DNAJB1: variants seen among roughly 807,000 people sequenced by gnomAD.
DNAJB1 encodes dnaJ homolog subfamily B member 1.
Under a neutral mutation model 24.0 loss-of-function variants are expected in DNAJB1, and 14 were observed. That is an observed-to-expected ratio of 0.58 (90% confidence interval 0.39 to 0.91). The LOEUF is 0.91. Among genes scored for constraint, DNAJB1 ranks in the 40% least tolerant of loss-of-function variants. The pLI is 0.00. For synonymous variants in DNAJB1, 262 were observed against 174.4 expected, an observed-to-expected ratio of 1.50 and a Z score of -3.96; for missense variants, 517 against 458.1, an observed-to-expected ratio of 1.13 and a Z score of -1.17.
chr19:14,538,691 C>G (rs976148347), intron 1 of DNAJB1, among the ~76,000 whole-genome samples: 6 of 151,696 alleles, frequency 4.0e-5, no homozygotes, highest in African/African-American at 1.5e-4. Flanking sequence ...TGCCACCATG[C>G]CTGGCTAATT....
intron 2 of DNAJB1, 146 bp downstream of exon 2, chr19:14,516,320 C>A: frequency 7.9e-7 from 1 of 1,264,182 alleles, no homozygotes; most frequent in Admixed American, 2.6e-5. Context: ...GAAAGCTCCA[C>A]AACAGCGCCC....
chr19:14,534,431 T>A (rs2072790094), upstream of DNAJB1, among the ~76,000 whole-genome samples: 1 of 90,550 alleles, frequency 1.1e-5, no homozygotes, highest in Non-Finnish European at 2.2e-5. Context: ...GCCTTTTTTT[T>A]TTTTTTTTTT....
chr19:14,515,980 T>C lies in DNAJB1; in HGVS notation c.983A>G (p.Gln328Arg), dbSNP rs561895564. The change falls in exon 3 of 3, where the codon CAG (glutamine) becomes CGG (arginine). Residue 328 changes from glutamine to arginine, a missense_variant. By Grantham distance (43) the Gln-to-Arg change is conservative. Transcript: ENST00000254322. Reference sequence around the variant, plus strand: ...CTGCTCAAGTACGGTTCTTGATGTCTGGGGAATCCTTTCGGGGAAGATCAC... The same window carrying C: ...CTGCTCAAGTACGGTTCTTGATGTCCGGGGAATCCTTTCGGGGAAGATCAC... The part of the protein sequence containing the change: ...FEVIFPERIP[Q>R]TSRTVLEQVL... The C allele has an allele frequency of 6.2e-7, 1 of 1,610,586 alleles. No individual in the cohort carries two copies. Among genetic ancestry groups the C allele is most frequent in the Non-Finnish European group, 8.5e-7 (1 of 1,179,014 alleles).
At position 14,516,962 on chromosome 19, in the gene DNAJB1, T is replaced by C. The variant is rs370822819; in HGVS notation, c.296A>G (p.His99Arg). The C allele has an allele frequency of 8.1e-6, 13 of 1,613,228 alleles. No homozygotes were observed. The highest frequency in any genetic ancestry group is 1.1e-5 in the Non-Finnish European group (13 of 1,179,912). The change falls in exon 2 of 3, where the codon CAT becomes CGT. Residue 99 changes from histidine (H) to arginine (R), a missense_variant. Transcript: ENST00000254322. ...ACCGAAGAACTCAGCAAACATGGCA[T>C]GAGGGTCTCCATGGAATGTGTAGCT... ...SFSYTFHGDP[H>R]AMFAEFFGGR...
chr19:14,524,031 C>T (rs1383368604), intron 2 of DNAJB1, among the ~76,000 whole-genome samples: 2 of 152,080 alleles, frequency 1.3e-5, no homozygotes, highest in Admixed American at 1.3e-4. Context: ...ATCATTACAC[C>T]CATTTTACAG....
chr19:14,553,927 G>T (rs1179028948), upstream of DNAJB1, among the ~76,000 whole-genome samples: 1 of 152,104 alleles, frequency 6.6e-6, no homozygotes, highest in African/African-American at 2.4e-5. Flanking sequence ...ACCAGGGCTC[G>T]CACCCCCAGC....
At chr19:14,530,816 AGT>A (rs2072615495), upstream of DNAJB1, 1 of 152,214 alleles carries the variant, frequency 6.6e-6, no homozygotes, top group Non-Finnish European at 1.5e-5. Context: ...ACTATTTTTA[AGT>A]GTGCAGTTCA....
At chr19:14,543,419 A>ATTTTTTTT (rs1169742953) in intron 1 of DNAJB1, among the ~76,000 whole-genome samples, 1 of 21,894 alleles carries the variant, frequency 4.6e-5, no homozygotes, top group Non-Finnish European at 7.3e-5. Flanking sequence ...ATATATATAT[A>ATTTTTTTT]TTTTTTTTTT....
chr19:14,553,135 A>G (rs1464212315), upstream of DNAJB1, among the ~76,000 whole-genome samples: 1 of 152,130 alleles, frequency 6.6e-6, no homozygotes, highest in African/African-American at 2.4e-5. Context: ...TGCTCGCCCA[A>G]GCCAGGAGCT....
At chr19:14,559,564 A>G (rs779997586) in intron 1 of DNAJB1, among the ~76,000 whole-genome samples, 22 of 152,120 alleles carry the variant, frequency 1.4e-4, no homozygotes, top group South Asian at 4.1e-4. Context: ...GAGGTGGTGG[A>G]TTGCCTGAGC....
Position 14,548,872 on chromosome 19 carries a change from A to G in DNAJB1, c.-214+1336T>C, listed in dbSNP as rs1166139299. On this transcript the variant is annotated intron_variant, in intron 1 of 3. Transcript: ENST00000676982. ...TTACAGGCGGGAGCCACCGCATCCA[A>G]CCATCTCAGACATCTCAGCAGCAGT... Among the ~76,000 whole-genome samples, 3 of 152,050 alleles carry G rather than the reference A, an allele frequency of 2.0e-5. No homozygotes were observed. The East Asian group carries it at 5.8e-4, about 29-fold the overall frequency.
upstream of DNAJB1, chr19:14,529,467 C>A (rs971620708): frequency 9.1e-6 from 6 of 661,328 alleles, no homozygotes; most frequent in Non-Finnish European, 1.4e-5. Context: ...TTGGTCAATC[C>A]CCTGGTGCTA....
chr19:14,545,315 C>T (rs1195848914), intron 1 of DNAJB1: 1 of 410,878 alleles, frequency 2.4e-6, no homozygotes, highest in Non-Finnish European at 4.9e-6. Context: ...CCTTTGCATT[C>T]CCCGCCAGGG....
At chr19:14,517,938 GGCCGAGCGGCTGGGCCAAGGCTCCTCCTC>G in intron 1 of DNAJB1, 172 bp downstream of exon 1, 1 of 490,820 alleles carries the variant, frequency 2.0e-6, no homozygotes, top group Non-Finnish European at 3.4e-6. Flanking sequence ...AGAAGCTTCT[GGCCGAGCGGCTGGGCCAAGGCTCCTCCTC>G]CCACCGCGCG....
In DNAJB1 at chr19:14,557,956, C is replaced by T. The variant is rs544051776; in HGVS notation, c.-2166+2075G>A. Among the ~76,000 whole-genome samples the T allele has an allele frequency of 1.2e-4, 18 of 151,456 alleles. No individual in the cohort carries two copies. The East Asian group carries it at 3.1e-3, about 26-fold the overall frequency. On this transcript the variant is annotated intron_variant, in intron 1 of 5. Transcript: ENST00000679223. ...ATTTTTAGTAGAGATGGGGTTTCAC[C>T]GTGTTAGCCAGGATGGTCTCGATCT...
At chr19:14,549,476 C>G (rs1479570281) in intron 1 of DNAJB1, among the ~76,000 whole-genome samples, 2 of 151,872 alleles carry the variant, frequency 1.3e-5, no homozygotes, top group African/African-American at 4.8e-5. Context: ...CTCCTTGGCC[C>G]CCTAACCCGG....
chr19:14,517,184 A>ACTTGG, intron 1 of DNAJB1, 138 bp from the exon 2 acceptor site: 1 of 792,866 alleles, frequency 1.3e-6, no homozygotes, highest in South Asian at 1.9e-5. Context: ...AAGAACCCCA[A>ACTTGG]GTTTCTACCT....
upstream of DNAJB1, chr19:14,530,096 C>T: frequency 5.6e-6 from 2 of 354,274 alleles, no homozygotes; most frequent in Non-Finnish European, 1.1e-5. Context: ...CCGCCGTCAC[C>T]AGCGTAGGAA....
At chr19:14,518,101 CA>C (rs1200811040) in intron 1 of DNAJB1, 37 bp downstream of exon 1, 10 of 1,429,936 alleles carry the variant, frequency 7.0e-6, no homozygotes, top group Non-Finnish European at 9.1e-6. Flanking sequence ...CCCTGTCTGT[CA>C]AAAGGCGGGG....
Sources: gnomAD v4.1 joint callset for allele counts (sites outside exome capture counted in the v4.1 genomes callset) on GRCh38, gnomAD v4.1.1 for gene constraint, MANE v1.5 for transcripts, NCBI Gene and HGNC (gene_info 2026-07-23, HGNC 2026-07-21) for gene names.